Variants in STPG2 observed in about 807,000 individuals in gnomAD.
The protein encoded by STPG2 is sperm tail PG-rich repeat containing 2.
Under a neutral mutation model 54.2 loss-of-function variants are expected in STPG2, and 56 were observed. The ratio of observed to expected loss-of-function variants is 1.03; its 90% confidence interval spans 0.83 to 1.29. The LOEUF (loss-of-function observed/expected upper bound fraction) is 1.29, where lower values mean the gene tolerates loss of function less well. STPG2 is among the 50% of genes most tolerant of loss of function. The probability of loss-of-function intolerance (pLI) is 0.00; values close to 1 mark genes in which losing one functional copy is unlikely to be tolerated. For synonymous variants in STPG2, 200 were observed against 181.8 expected (o/e 1.10, Z -0.81); for missense variants, 596 against 544.9 (o/e 1.09, Z -0.93).
intron 5 of STPG2, among the ~76,000 whole-genome samples, chr4:97,998,211 C>T (rs1277298019): frequency 6.6e-6 from 1 of 152,174 alleles, no homozygotes; most frequent in Non-Finnish European, 1.5e-5. Context: ...TTGAATCTGA[C>T]TGGCACAGTG....
chr4:98,120,096 T>A (rs1739635297), intron 3 of STPG2, among the ~76,000 whole-genome samples: 1 of 152,070 alleles, frequency 6.6e-6, no homozygotes, highest in African/African-American at 2.4e-5. Flanking sequence ...TTTGTTTTTG[T>A]TTGAAATGGA....
intron 4 of STPG2, among the ~76,000 whole-genome samples, chr4:97,481,861 G>A (rs532647466): frequency 2.6e-5 from 4 of 151,622 alleles, no homozygotes; most frequent in Admixed American, 2.6e-4. Flanking sequence ...AAAGTGGCTA[G>A]GAACTCCAGT....
At chr4:97,715,726 G>A (rs1250136011) in intron 9 of STPG2, among the ~76,000 whole-genome samples, 1 of 151,820 alleles carries the variant, frequency 6.6e-6, no homozygotes, top group Non-Finnish European at 1.5e-5. Context: ...TCCCATATAT[G>A]AGCATACTAA....
intron 5 of STPG2, among the ~76,000 whole-genome samples, chr4:97,991,255 A>T (rs1734994765): frequency 6.6e-6 from 1 of 151,832 alleles, no homozygotes; most frequent in South Asian, 2.1e-4. Flanking sequence ...ATGGCTGAGT[A>T]GTATTCCATG....
chr4:98,059,683 G>T (rs1316844675), intron 5 of STPG2, among the ~76,000 whole-genome samples: 1 of 149,830 alleles, frequency 6.7e-6, no homozygotes, highest in Non-Finnish European at 1.5e-5. Context: ...TGGCAAATGG[G>T]ATCCAGAAGC....
intron 9 of STPG2, among the ~76,000 whole-genome samples, chr4:97,820,649 CTTAACAGTTCT>C (rs1211213760): frequency 6.6e-6 from 1 of 152,156 alleles, no homozygotes; most frequent in Non-Finnish European, 1.5e-5. Context: ...AGCTTAATTG[CTTAACAGTTCT>C]GCAAGCTGCA....
At chr4:98,123,681 G>A (rs1320278822) in intron 3 of STPG2, among the ~76,000 whole-genome samples, 1 of 152,180 alleles carries the variant, frequency 6.6e-6, no homozygotes, top group East Asian at 1.9e-4. Context: ...GGGGTAGAGA[G>A]TTCTGTAGAT....
At chr4:97,539,225 C>A (rs1731626409) in intron 4 of STPG2, among the ~76,000 whole-genome samples, 1 of 152,090 alleles carries the variant, frequency 6.6e-6, no homozygotes. Flanking sequence ...ACTAAATGCT[C>A]CAATTAAAAG....
intron 7 of STPG2, among the ~76,000 whole-genome samples, chr4:97,949,483 G>A (rs1240088910): frequency 6.6e-6 from 1 of 151,724 alleles, no homozygotes; most frequent in Non-Finnish European, 1.5e-5. Context: ...TTTCTTCATT[G>A]TATTATTGTT....
chr4:97,801,163 A>G (rs562647617), intron 9 of STPG2, among the ~76,000 whole-genome samples: 1 of 152,290 alleles, frequency 6.6e-6, no homozygotes, highest in African/African-American at 2.4e-5. Context: ...GCCTCAGCTC[A>G]TGCTCAGTGG....
At chr4:97,795,833 C>T (rs1179227838) in intron 9 of STPG2, among the ~76,000 whole-genome samples, 1 of 152,128 alleles carries the variant, frequency 6.6e-6, no homozygotes, top group Non-Finnish European at 1.5e-5. Context: ...AAAAGTGTTC[C>T]TATTTCTCCA....
At chr4:98,110,653 A>C (rs1739320555) in intron 3 of STPG2, among the ~76,000 whole-genome samples, 1 of 152,068 alleles carries the variant, frequency 6.6e-6, no homozygotes, top group African/African-American at 2.4e-5. Context: ...GCCCTCTTCC[A>C]AGTGTTCTTT....
intron 5 of STPG2, chr4:98,025,421 T>A: frequency 4.6e-6 from 2 of 433,872 alleles, no homozygotes. Context: ...TAAGGCCTGC[T>A]TTAAGAGATA....
chr4:97,584,770 G>A (rs1463547801), intron 10 of STPG2, among the ~76,000 whole-genome samples: 1 of 151,546 alleles, frequency 6.6e-6, no homozygotes, highest in Non-Finnish European at 1.5e-5. Context: ...AGAGGAGATG[G>A]AAAAAATCCT....
At chr4:97,970,066 C>T (rs1428905069) in intron 7 of STPG2, among the ~76,000 whole-genome samples, 1 of 152,156 alleles carries the variant, frequency 6.6e-6, no homozygotes, top group Non-Finnish European at 1.5e-5. Flanking sequence ...ACAATTGCTT[C>T]AAAGAGAATA....
At chr4:98,040,516 C>A (rs1255807434) in intron 5 of STPG2, among the ~76,000 whole-genome samples, 2 of 151,568 alleles carry the variant, frequency 1.3e-5, no homozygotes, top group African/African-American at 4.8e-5. Context: ...GATATGGGTC[C>A]AATTTCACTC....
At chr4:97,834,812 G>C (rs1560546551) in intron 9 of STPG2, among the ~76,000 whole-genome samples, 1 of 151,952 alleles carries the variant, frequency 6.6e-6, no homozygotes, top group Non-Finnish European at 1.5e-5. Flanking sequence ...GTTATGTATT[G>C]CCCTGACCAT....
intron 9 of STPG2, among the ~76,000 whole-genome samples, chr4:97,814,633 G>A (rs1727852369): frequency 6.6e-6 from 1 of 152,128 alleles, no homozygotes; most frequent in African/African-American, 2.4e-5. Flanking sequence ...TGTTGCCAAA[G>A]GAGATTAACA....
chr4:97,509,500 T>C (rs929815298), intron 4 of STPG2, among the ~76,000 whole-genome samples: 1 of 152,068 alleles, frequency 6.6e-6, no homozygotes. Flanking sequence ...CAGAGAATCA[T>C]AGAGAAGTTA....
Sources: gnomAD v4.1 joint callset for allele counts (sites outside exome capture counted in the v4.1 genomes callset) on GRCh38, gnomAD v4.1.1 for gene constraint, MANE v1.5 for transcripts, NCBI Gene and HGNC (gene_info 2026-07-23, HGNC 2026-07-21) for gene names.